Variants in NKAIN1 observed in about 807,000 individuals in gnomAD.
The protein encoded by NKAIN1 is sodium/potassium transporting ATPase interacting 1, also known as sodium/potassium-transporting ATPase subunit beta-1-interacting protein 1.
A neutral mutation model predicts 31.6 loss-of-function variants in NKAIN1; 13 were observed. The ratio of observed to expected loss-of-function variants is 0.41; its 90% CI spans 0.27 to 0.65. NKAIN1 has a LOEUF of 0.65. Among genes scored for constraint, NKAIN1 ranks in the 30% least tolerant of loss-of-function variants. The pLI is 0.30. For synonymous variants in NKAIN1, 104 were observed against 109.0 expected, an observed-to-expected ratio of 0.95 and a Z score of 0.28; for missense variants, 193 against 262.2, an observed-to-expected ratio of 0.74 and a Z score of 1.82.
chr1:31,203,379 C>T (rs1416782844), intron 1 of NKAIN1, among the ~76,000 whole-genome samples: 1 of 145,008 alleles, frequency 6.9e-6, no homozygotes, highest in Non-Finnish European at 1.6e-5. Context: ...ACAATGCAGC[C>T]ATTATGATGG....
intron 1 of NKAIN1, among the ~76,000 whole-genome samples, chr1:31,202,179 C>T (rs1268031685): frequency 6.6e-6 from 1 of 152,208 alleles, no homozygotes; most frequent in South Asian, 2.1e-4. Flanking sequence ...TCTCAGTGAC[C>T]ACTGACCCAT....
At chr1:31,209,278 G>A (rs1645448418) in intron 1 of NKAIN1, among the ~76,000 whole-genome samples, 1 of 152,208 alleles carries the variant, frequency 6.6e-6, no homozygotes, top group Admixed American at 6.5e-5. Context: ...GGGAGGCTGA[G>A]GCAAGAGAAT....
At chr1:31,206,709 T>G (rs1645428161) in intron 1 of NKAIN1, among the ~76,000 whole-genome samples, 1 of 152,090 alleles carries the variant, frequency 6.6e-6, no homozygotes, top group Non-Finnish European at 1.5e-5. Flanking sequence ...AGTGCAGGGA[T>G]TATAGGTGTG....
intron 1 of NKAIN1, among the ~76,000 whole-genome samples, chr1:31,212,999 A>AAAAT (rs1380523298): frequency 4.0e-5 from 6 of 150,534 alleles, no homozygotes; most frequent in African/African-American, 7.3e-5. Flanking sequence ...TCTGTCTCAA[A>AAAAT]AAATAAATAA....
chr1:31,237,021 A>G (rs1645697094), intron 1 of NKAIN1, among the ~76,000 whole-genome samples: 1 of 152,150 alleles, frequency 6.6e-6, no homozygotes, highest in African/African-American at 2.4e-5. Context: ...GGGAGGCTGA[A>G]GTGGGAGGAT....
At position 31,223,547 on chromosome 1, in the gene NKAIN1, C is replaced by T. The variant is rs189067892; in HGVS notation, c.54+15947G>A. ...GCAAGCTCCACCTCCTGGGTTCACG[C>T]CATTCTCCTGCCTCAGCCTTCCAAG... On this transcript the variant is annotated intron_variant, in intron 1 of 6. Transcript: ENST00000373736. Among the ~76,000 whole-genome samples the T allele has an allele frequency of 8.9e-4, 136 of 152,212 alleles. 2 individuals carry two copies. In the East Asian group the frequency reaches 0.023, roughly 25 times the overall value.
chr1:31,195,350 G>A (rs1014612835), intron 1 of NKAIN1, among the ~76,000 whole-genome samples: 4 of 150,522 alleles, frequency 2.7e-5, no homozygotes, highest in Non-Finnish European at 3.0e-5. Flanking sequence ...TTGAACTCTC[G>A]ACCTCAGGTG....
intron 1 of NKAIN1, among the ~76,000 whole-genome samples, chr1:31,197,185 C>T (rs556033539): frequency 6.7e-6 from 1 of 149,076 alleles, no homozygotes; most frequent in East Asian, 2.0e-4. Context: ...AATCTCGGCT[C>T]ACTGCAAGCT....
intron 1 of NKAIN1, among the ~76,000 whole-genome samples, chr1:31,208,902 A>G (rs979777306): frequency 6.6e-6 from 1 of 152,164 alleles, no homozygotes; most frequent in Admixed American, 6.5e-5. Context: ...CCAGGGCTTC[A>G]GTTTTCTCAT....
At chr1:31,197,056 C>A (rs1420631851) in intron 1 of NKAIN1, among the ~76,000 whole-genome samples, 3 of 150,600 alleles carry the variant, frequency 2.0e-5, no homozygotes, top group African/African-American at 7.3e-5. Context: ...AACTCCCTAC[C>A]TCCCTCCTTC....
intron 1 of NKAIN1, among the ~76,000 whole-genome samples, chr1:31,195,201 C>T (rs1366119922): frequency 6.6e-6 from 1 of 150,678 alleles, no homozygotes. Flanking sequence ...CACTTGCAAC[C>T]TCCGCCTCCT....
intron 1 of NKAIN1, among the ~76,000 whole-genome samples, chr1:31,191,290 C>CAA (rs1261608850): frequency 2.2e-4 from 21 of 94,642 alleles, no homozygotes; most frequent in African/African-American, 5.7e-4. Flanking sequence ...GACTCTGTCT[C>CAA]AAAAAAAAAA....
At position 31,239,419 on chromosome 1, in the gene NKAIN1, C is replaced by A; in HGVS notation, c.54+75G>T. Reference sequence around the variant, plus strand: ...GACACACACACAGAGACACACGCAACCCCACCCGCACGCCCTGGGACCGCG... The same window carrying A: ...GACACACACACAGAGACACACGCAAACCCACCCGCACGCCCTGGGACCGCG... On this transcript the variant is annotated intron_variant, in intron 1 of 6. Coordinates refer to ENST00000373736, the MANE Select transcript of NKAIN1 (RefSeq NM_024522.3). This position sits in a 1 kb window ranked among gnomAD's most constrained non-coding sequence, Gnocchi z 4.8. 8.4e-7 allele frequency: 1 copy of A among 1,190,062 alleles called. No homozygotes were observed. Among genetic ancestry groups the A allele is most frequent in the Non-Finnish European group, 1.1e-6 (1 of 900,686 alleles). 73.7% of individuals were successfully genotyped at this position (1,190,062 alleles called of 1,614,324 possible).
intron 5 of NKAIN1, among the ~76,000 whole-genome samples, chr1:31,182,256 G>A (rs940452905): frequency 1.2e-4 from 19 of 152,146 alleles, no homozygotes. Context: ...TCAGGGGCGG[G>A]GCTAGAGCCT....
Position 31,188,069 on chromosome 1 carries a change from C to A in NKAIN1, c.173G>T (p.Arg58Leu), listed in dbSNP as rs1316648068. 6.4e-7 allele frequency: 1 copy of A among 1,553,474 alleles called. No homozygotes were observed. The highest frequency in any genetic ancestry group is 8.7e-7 in the Non-Finnish European group (1 of 1,148,126). The change falls in exon 2 of 7, where the codon CGC (arginine) becomes CTC (leucine). Residue 58 changes from arginine to leucine, a missense_variant. Arg to Leu is a moderately radical substitution (Grantham distance 102, BLOSUM62 -2). Coordinates refer to ENST00000373736, the MANE Select transcript of NKAIN1 (RefSeq NM_024522.3). ...ILGIFGTVQY[R>L]SRYLILYAAW... ...CCGTACCAGGATGAGGTACCGGGAG[C>A]GGTACTGCACGGTGCCAAAGATGCC...
At chr1:31,228,778 T>G (rs1352106093) in intron 1 of NKAIN1, among the ~76,000 whole-genome samples, 1 of 152,122 alleles carries the variant, frequency 6.6e-6, no homozygotes, top group Non-Finnish European at 1.5e-5. Flanking sequence ...AAATTTTTTT[T>G]AGAGATGGGA....
chr1:31,237,171 A>G (rs1200067383), intron 1 of NKAIN1, among the ~76,000 whole-genome samples: 1 of 152,154 alleles, frequency 6.6e-6, no homozygotes. Flanking sequence ...GGATTGTTTG[A>G]GCCTGGGAGG....
chr1:31,231,325 C>T (rs1280197503), intron 1 of NKAIN1, among the ~76,000 whole-genome samples: 2 of 141,566 alleles, frequency 1.4e-5, no homozygotes, highest in African/African-American at 5.4e-5. Context: ...TCTGGTAATC[C>T]TTATTCTACT....
At chr1:31,193,626 G>A (rs573597511) in intron 1 of NKAIN1, among the ~76,000 whole-genome samples, 34 of 152,030 alleles carry the variant, frequency 2.2e-4, no homozygotes, top group Non-Finnish European at 4.0e-4. Context: ...AACCCGGGAG[G>A]TGGAGGTTGC....
Sources: allele counts gnomAD v4.1 joint callset (sites outside exome capture counted in the v4.1 genomes callset), GRCh38; gene constraint gnomAD v4.1.1; non-coding constraint Gnocchi (gnomAD v3.1); transcripts MANE v1.5; gene names NCBI Gene and HGNC (gene_info 2026-07-23, HGNC 2026-07-21).